DDI2: variants seen among roughly 807,000 people sequenced by gnomAD.
The protein encoded by DDI2 is DDI proteasomal shuttling factor 2.
Under a neutral mutation model 48.1 loss-of-function variants are expected in DDI2, and 5 were observed. That is an observed-to-expected ratio of 0.10 (90% CI 0.05 to 0.22). The LOEUF is 0.22. Ranked by LOEUF, DDI2 falls within the 10% of genes least tolerant of loss-of-function variation. The pLI is 1.00. For synonymous variants in DDI2, 205 were observed against 183.6 expected (o/e 1.12, Z -0.94); for missense variants, 285 against 506.2 (o/e 0.56, Z 4.19).
chr1:15,661,544 A>G lies in DDI2; in HGVS notation c.*1754A>G, dbSNP rs754784343. 2.5e-6 allele frequency: 4 copies of G among 1,614,054 alleles called. No individual in the cohort carries two copies. Among genetic ancestry groups the G allele is most frequent in the African/African-American group, 2.7e-5 (2 of 74,930 alleles). ...CTTGAATATGAACCACCTACCAGCC[A>G]TCCATCATCAAGTCCTGCCATTCTT... On this transcript the variant is annotated 3_prime_UTR_variant, in exon 10 of 10. Transcript: ENST00000480945.
chr1:15,652,196 T>G (rs1477753751), intron 8 of DDI2, among the ~76,000 whole-genome samples: 2 of 150,072 alleles, frequency 1.3e-5, no homozygotes, highest in African/African-American at 4.9e-5. Context: ...CACCTCAGCC[T>G]CCTGAGTAGC....
intron 8 of DDI2, among the ~76,000 whole-genome samples, chr1:15,652,223 T>C (rs1312237905): frequency 6.6e-6 from 1 of 151,356 alleles, no homozygotes; most frequent in East Asian, 2.0e-4. Flanking sequence ...TACACCTGGC[T>C]AATTTTTTAT....
intron 6 of DDI2, among the ~76,000 whole-genome samples, chr1:15,645,024 G>A (rs1250690838): frequency 7.5e-6 from 1 of 133,586 alleles, no homozygotes; most frequent in Non-Finnish European, 1.6e-5. Flanking sequence ...CTGAGTAGCC[G>A]GGTCACAGGC....
In DDI2 at chr1:15,661,077, G is replaced by T. The variant is rs1162183652; in HGVS notation, c.*1287G>T. ...TTTCTGAAAGATGGACCCAAAATGA[G>T]CATCTTACCCAGAATGAACAGTGTC... On this transcript the variant is annotated 3_prime_UTR_variant, in exon 10 of 10. Transcript: ENST00000480945. 1 of 1,614,006 alleles carries T rather than the reference G, an allele frequency of 6.2e-7. No homozygotes were observed. The highest frequency in any genetic ancestry group is 1.3e-5 in the African/African-American group (1 of 74,930).
chr1:15,645,088 C>T (rs1270724027), intron 6 of DDI2, among the ~76,000 whole-genome samples: 1 of 151,976 alleles, frequency 6.6e-6, no homozygotes, highest in African/African-American at 2.4e-5. Context: ...CGAGGTTTCT[C>T]CATATTGGCC....
At chr1:15,636,327 C>T (rs1441343560) in intron 4 of DDI2, among the ~76,000 whole-genome samples, 1 of 152,016 alleles carries the variant, frequency 6.6e-6, no homozygotes, top group Admixed American at 6.6e-5. Context: ...GAGGTTTCGC[C>T]GTGTTGCCCA....
rs1199185080 is a variant in DDI2 at position 15,665,852 on chromosome 1, A to G, written c.*6062A>G. ...GAGCAGGATGATTGAACTGCTGCAT[A>G]TTTCAAACCTGTTATCACTGGCAGT... is the stretch of plus-strand genomic sequence containing the variant. On this transcript the variant is annotated 3_prime_UTR_variant, in exon 10 of 10. Coordinates refer to ENST00000480945, the MANE Select transcript of DDI2 (RefSeq NM_032341.5). 6.6e-6 allele frequency: 1 copy of G among 152,106 alleles called. No homozygotes were observed. Among genetic ancestry groups the G allele is most frequent in the African/African-American group, 2.4e-5 (1 of 41,416 alleles). 9.4% of individuals were successfully genotyped at this position (152,106 alleles called of 1,614,324 possible). A position where few individuals can be genotyped will look rare whatever the true frequency, so the allele number is the denominator to read the frequency against.
At chr1:15,637,765 C>G (rs1224674271) in intron 4 of DDI2, among the ~76,000 whole-genome samples, 1 of 151,990 alleles carries the variant, frequency 6.6e-6, no homozygotes. Flanking sequence ...GTAGCATAAG[C>G]TGTTATATGA....
At position 15,643,668 on chromosome 1, in the gene DDI2, G is replaced by A. The variant is rs372269683; in HGVS notation, c.889+18G>A. The A allele has an allele frequency of 2.5e-6, 4 of 1,612,656 alleles. No individual in the cohort carries two copies. Among genetic ancestry groups the A allele is most frequent in the Non-Finnish European group, 3.4e-6 (4 of 1,179,406 alleles). The stretch of plus-strand genomic sequence containing the variant: ...ACATCTAGGTGAGCAAAAGGCACTG[G>A]GGCTTGCTGTCTTTCTGTAGGCTAT... On this transcript the variant is annotated intron_variant, in intron 6 of 9. Coordinates refer to ENST00000480945, the MANE Select transcript of DDI2 (RefSeq NM_032341.5).
intron 1 of DDI2, among the ~76,000 whole-genome samples, chr1:15,620,533 A>C (rs1639642255): frequency 6.8e-6 from 1 of 148,032 alleles, no homozygotes; most frequent in African/African-American, 2.5e-5. Context: ...CCATTCCTTC[A>C]CCTCTCATTT....
rs202147595 is a variant in DDI2, at chr1:15,623,557, C to CTTATTATTATTATTATTATTA, written c.139-3106_139-3086dup. Among the ~76,000 whole-genome samples, 657 of 84,074 alleles carry CTTATTATTATTATTATTATTA rather than the reference C, an allele frequency of 7.8e-3. 11 individuals carry two copies. Among genetic ancestry groups the CTTATTATTATTATTATTATTA allele is most frequent in the African/African-American group, 0.027 (609 of 22,630 alleles). 55.2% of individuals were successfully genotyped at this position (84,074 alleles called of 152,430 possible). A position where few individuals can be genotyped will look rare whatever the true frequency, so the allele number is the denominator to read the frequency against. ...TACAGGCATATGCTACCATGCCTGG[C>CTTATTATTATTATTATTATTA]TTATTATTATTATTATTATTATTAT... is the stretch of plus-strand genomic sequence containing the variant. On this transcript the variant is annotated intron_variant, in intron 1 of 9. Transcript: ENST00000480945.
At chr1:15,659,504 G>T (rs1292141193) in intron 9 of DDI2, among the ~76,000 whole-genome samples, 1 of 152,144 alleles carries the variant, frequency 6.6e-6, no homozygotes, top group East Asian at 1.9e-4. Context: ...CTATTCTAGA[G>T]TTGTAGACTA....
In DDI2 at chr1:15,642,825, T is replaced by C. The variant is rs988418694; in HGVS notation, c.761-697T>C. ...GCTCACGCCTGTAATCCCAGCACTT[T>C]GGGAGGCCGAGGCAGGTGGATCACG... On this transcript the variant is annotated intron_variant, in intron 5 of 9. Coordinates refer to ENST00000480945, the MANE Select transcript of DDI2 (RefSeq NM_032341.5). Among the ~76,000 whole-genome samples the C allele has an allele frequency of 5.3e-5, 8 of 152,304 alleles. No individual in the cohort carries two copies. In the East Asian group the frequency reaches 1.3e-3, roughly 26 times the overall value.
intron 1 of DDI2, among the ~76,000 whole-genome samples, chr1:15,621,538 C>T (rs945221866): frequency 3.3e-5 from 5 of 151,934 alleles, no homozygotes; most frequent in East Asian, 1.9e-4. Context: ...GTGTATGCTA[C>T]GACATATGAC....
rs538775951 is a variant in DDI2, at chr1:15,629,932, A to G, written c.269-393A>G. ...TATTTAGTAGAGACAGAGTTTCACTATGTTGACCAGGCTGGTCTTGAACTT... is the reference window on the plus strand; with the variant it reads ...TATTTAGTAGAGACAGAGTTTCACTGTGTTGACCAGGCTGGTCTTGAACTT... On this transcript the variant is annotated intron_variant, in intron 2 of 9. Coordinates refer to ENST00000480945, the MANE Select transcript of DDI2 (RefSeq NM_032341.5). Among the ~76,000 whole-genome samples, 5 of 152,194 alleles carry G rather than the reference A, an allele frequency of 3.3e-5. No individual in the cohort carries two copies. The East Asian group carries it at 9.7e-4, about 30-fold the overall frequency.
At position 15,667,968 on chromosome 1, in the gene DDI2, C is replaced by G. The variant is rs1348891314; in HGVS notation, c.*8178C>G. The stretch of plus-strand genomic sequence containing the variant: ...GGGGGTTAGAGAATGTTTCTTTTAC[C>G]TAAAAATGTTAAGCCAACTATGGAA... On this transcript the variant is annotated 3_prime_UTR_variant, in exon 10 of 10. Transcript: ENST00000480945. 1 of 152,032 alleles carries G rather than the reference C, an allele frequency of 6.6e-6. No individual in the cohort carries two copies. Among genetic ancestry groups the G allele is most frequent in the Non-Finnish European group, 1.5e-5 (1 of 68,006 alleles). The allele number at this position is 152,032 out of a possible 1,614,324, so 9.4% of individuals were successfully genotyped here.
chr1:15,649,864 T>C, intron 7 of DDI2, 41 bp downstream of exon 7: 1 of 1,568,476 alleles, frequency 6.4e-7, no homozygotes, highest in East Asian at 2.3e-5. Context: ...ATCTGCTTTT[T>C]GTAATATGGT....
At chr1:15,656,564 T>C in intron 8 of DDI2, 53 bp from the exon 9 acceptor site, 3 of 1,614,104 alleles carry the variant, frequency 1.9e-6, no homozygotes, top group Admixed American at 3.3e-5. Flanking sequence ...CTGCATGCTG[T>C]GTGGTTTGCA....
chr1:15,656,845 G>C (rs1640281274), intron 9 of DDI2, 166 bp downstream of exon 9: 1 of 855,402 alleles, frequency 1.2e-6, no homozygotes, highest in African/African-American at 1.7e-5. Context: ...TGCATACATG[G>C]ATATGTAACA....
Sources: allele counts gnomAD v4.1 joint callset (sites outside exome capture counted in the v4.1 genomes callset), GRCh38; gene constraint gnomAD v4.1.1; transcripts MANE v1.5; gene names NCBI Gene and HGNC (gene_info 2026-07-23, HGNC 2026-07-21).